Variants in FLNA observed in about 807,000 individuals in gnomAD.
FLNA encodes the protein filamin A, also known as filamin-A.
In FLNA, 7 loss-of-function variants were observed where a neutral mutation model predicts 157.6. The ratio of observed to expected loss-of-function variants is 0.04; its 90% CI spans 0.03 to 0.08. The LOEUF (loss-of-function observed/expected upper bound fraction) is 0.08. FLNA is among the 10% of genes least tolerant of loss of function. The pLI, the probability that FLNA is intolerant of heterozygous loss-of-function variation, is 1.00. For missense variants in FLNA, 1,750 were observed against 2,398.4 expected, an observed-to-expected ratio of 0.73 and a Z score of 5.65; for synonymous variants, 1,103 against 1,060.8, an observed-to-expected ratio of 1.04 and a Z score of -0.77.
chrX:154,362,737 G>T lies in FLNA; in HGVS notation c.2328C>A (p.Gly776=). 8.3e-7 allele frequency: 1 copy of T among 1,206,837 alleles called. No individual in the cohort carries two copies. Residue 776 remains glycine (G), a synonymous_variant, in exon 16 of 48, where the codon GGC becomes GGA. Coordinates refer to ENST00000369850, the MANE Select transcript of FLNA (RefSeq NM_001110556.2). ...TGAGCCCTGTCTTGGCTACTCCGGGGCCGTATACTTTGACCTTGTTGGGGT... is the reference window on the plus strand; with the variant it reads ...TGAGCCCTGTCTTGGCTACTCCGGGTCCGTATACTTTGACCTTGTTGGGGT... ...GSHPNKVKVY[G]PGVAKTGLKA... is the part of the protein sequence containing the mutation.
In FLNA at chrX:154,352,934, G is replaced by A. The variant is rs782748718; in HGVS notation, c.6227-10C>T. On this transcript the variant is annotated splice_polypyrimidine_tract_variant and intron_variant, in intron 38 of 47. Coordinates refer to ENST00000369850, the MANE Select transcript of FLNA (RefSeq NM_001110556.2). Reference sequence around the variant, plus strand: ...CTGAGCCCACCATAGCCTAGGGGATGGATACCCCTGAGCCTCGGTGCTATG... The same window carrying A: ...CTGAGCCCACCATAGCCTAGGGGATAGATACCCCTGAGCCTCGGTGCTATG... The A allele has an allele frequency of 3.5e-5, 42 of 1,210,093 alleles. No homozygotes were observed. Among genetic ancestry groups the A allele is most frequent in the African/African-American group, 1.9e-4 (11 of 57,448 alleles).
intron 1 of FLNA, among the ~76,000 whole-genome samples, chrX:154,372,036 C>G (rs1284932706): frequency 8.8e-6 from 1 of 113,821 alleles, no homozygotes; most frequent in Non-Finnish European, 1.9e-5. Flanking sequence ...CCGTAGGGCC[C>G]TCGCCCGCGC....
chrX:154,353,415 G>A lies in FLNA; in HGVS notation c.5903C>T (p.Ala1968Val). The change falls in exon 37 of 48, where the codon GCT becomes GTT. Residue 1968 changes from alanine to valine, a missense_variant. Coordinates refer to ENST00000369850, the MANE Select transcript of FLNA (RefSeq NM_001110556.2). ...TGAGATGTTGATGGGGATGTCGGCA[G>A]CAGAGCCGACCTTTAGGTGGGACAT... ...MRMSHLKVGS[A>V]ADIPINISET... The A allele has an allele frequency of 2.5e-6, 3 of 1,211,615 alleles. No individual in the cohort carries two copies. The highest frequency in any genetic ancestry group is 3.4e-6 in the Non-Finnish European group (3 of 895,378).
rs781900521 is a variant in FLNA at position 154,364,184 on chromosome X, C to T, written c.2137-19G>A. On this transcript the variant is annotated intron_variant, in intron 14 of 47. Transcript: ENST00000369850. ...CATTGTCCTGTCAGGCAGATAGGAG[C>T]AGGTGGCCTGCTGGTCAGTGCCCAG... is the stretch of plus-strand genomic sequence containing the variant. The T allele has an allele frequency of 4.1e-6, 5 of 1,209,544 alleles. No homozygotes were observed. In the East Asian group the frequency reaches 1.5e-4, roughly 36 times the overall value.
Position 154,366,201 on chromosome X carries a change from C to A in FLNA, c.1252G>T (p.Val418Phe), listed in dbSNP as rs1053199573. ...TAGAGTGEVEVVIQDPMGQKG... is the reference protein window; with the variant it reads ...TAGAGTGEVEFVIQDPMGQKG... ...TGTCCCATGGGGTCCTGGATCACAA[C>A]CTCGACCTCGCCCGTGCCAGCTCCT... Residue 418 changes from valine (V) to phenylalanine (F), a missense_variant, in exon 9 of 48, where the codon GTT becomes TTT. Transcript: ENST00000369850. 8.3e-7 allele frequency: 1 copy of A among 1,210,845 alleles called. No individual in the cohort carries two copies. The highest frequency in any genetic ancestry group is 1.1e-6 in the Non-Finnish European group (1 of 895,509).
chrX:154,362,740 G>A lies in FLNA; in HGVS notation c.2325C>T (p.Tyr775=), dbSNP rs369460267. 39 of 1,203,405 alleles carry A rather than the reference G, an allele frequency of 3.2e-5. No homozygotes were observed. The highest frequency in any genetic ancestry group is 1.6e-4 in the African/African-American group (9 of 57,120). Residue 775 remains tyrosine, a synonymous_variant, in exon 16 of 48, where the codon TAC becomes TAT. Coordinates refer to ENST00000369850, the MANE Select transcript of FLNA (RefSeq NM_001110556.2). Reference sequence around the variant, plus strand: ...GCCCTGTCTTGGCTACTCCGGGGCCGTATACTTTGACCTTGTTGGGGTGGC... The same window carrying A: ...GCCCTGTCTTGGCTACTCCGGGGCCATATACTTTGACCTTGTTGGGGTGGC... ...AGSHPNKVKV[Y]GPGVAKTGLK...
intron 1 of FLNA, among the ~76,000 whole-genome samples, chrX:154,372,848 C>T (rs1374205981): frequency 9.0e-6 from 1 of 111,392 alleles, no homozygotes; most frequent in African/African-American, 3.3e-5. Flanking sequence ...GCACGTCATG[C>T]CCAAATATGG....
At chrX:154,368,771 G>A (rs949823781) in intron 2 of FLNA, among the ~76,000 whole-genome samples, 9 of 113,231 alleles carry the variant, frequency 7.9e-5, no homozygotes, top group Non-Finnish European at 1.7e-4. Flanking sequence ...AGAGCCCAAA[G>A]GAACCAGCAG....
rs782777494 is a variant in FLNA at position 154,351,571 on chromosome X, G to A, written c.7023+10C>T. 92 of 1,167,382 alleles carry A rather than the reference G, an allele frequency of 7.9e-5. No individual in the cohort carries two copies. Among genetic ancestry groups the A allele is most frequent in the Admixed American group, 2.0e-4 (9 of 45,830 alleles). On this transcript the variant is annotated intron_variant, in intron 43 of 47. Transcript: ENST00000369850. ...GAGCCCCAGGTGGGCGGTTTCTCTC[G>A]GTGCCTCACCTGAAGGCTAGAAACA...
intron 33 of FLNA, 26 bp downstream of exon 33, chrX:154,354,355 G>A (rs782401630): frequency 3.2e-5 from 39 of 1,209,753 alleles, no homozygotes; most frequent in Non-Finnish European, 3.9e-5. Flanking sequence ...CTTGGCTCCC[G>A]AGCTCCTTCC....
intron 2 of FLNA, 74 bp from the exon 3 acceptor site, chrX:154,368,164 G>C (rs2067777486): frequency 8.3e-7 from 1 of 1,198,035 alleles, no homozygotes; most frequent in South Asian, 1.8e-5. Context: ...TGGGGTCAGG[G>C]TCTGGCAGCA....
chrX:154,359,698 C>T (rs782472941), intron 23 of FLNA, 34 bp downstream of exon 23: 6 of 1,209,212 alleles, frequency 5.0e-6, no homozygotes, highest in East Asian at 5.9e-5. Flanking sequence ...CCACCCACCC[C>T]GTCTGCCAGC....
chrX:154,363,938 G>A, intron 15 of FLNA, 84 bp downstream of exon 15: 1 of 1,039,144 alleles, frequency 9.6e-7, no homozygotes, highest in Non-Finnish European at 1.3e-6. Flanking sequence ...TCAGGATGGT[G>A]TGCCACAACC....
chrX:154,361,026 G>A (rs1266100634), intron 21 of FLNA, among the ~76,000 whole-genome samples: 2 of 64,782 alleles, frequency 3.1e-5, no homozygotes, highest in East Asian at 5.3e-4. Flanking sequence ...CAGCCTGGGC[G>A]ACAGAGTGAG....
intron 15 of FLNA, among the ~76,000 whole-genome samples, chrX:154,363,695 AGT>A (rs1399160808): frequency 8.9e-6 from 1 of 112,226 alleles, no homozygotes; most frequent in African/African-American, 3.2e-5. Context: ...CCTGGGCGAC[AGT>A]GTGAGACTCC....
intron 1 of FLNA, 40 bp downstream of exon 1, chrX:154,374,466 G>A (rs1161772893): frequency 8.9e-6 from 1 of 112,239 alleles, no homozygotes; most frequent in East Asian, 2.8e-4. Context: ...CGAGGAGCGC[G>A]GCGACCCTAC....
Position 154,359,759 on chromosome X carries a change from T to C in FLNA, c.3952A>G (p.Lys1318Glu). ...TCCTCGTAAGGCGTGTACTCCACTT[T>C]GTACATGCCATCGCCACGGTCCTGA... ...YVQDRGDGMY[K>E]VEYTPYEEGL... Residue 1318 changes from lysine to glutamate, a missense_variant, in exon 23 of 48, where the codon AAA becomes GAA. Physicochemically the swap from Lys to Glu is moderately conservative, Grantham distance 56. Coordinates refer to ENST00000369850, the MANE Select transcript of FLNA (RefSeq NM_001110556.2). 8.3e-7 allele frequency: 1 copy of C among 1,210,916 alleles called. No homozygotes were observed. The highest frequency in any genetic ancestry group is 3.0e-5 in the East Asian group (1 of 33,829).
chrX:154,366,466 G>A lies in FLNA; in HGVS notation c.1070C>T (p.Thr357Ile). Residue 357 changes from threonine (T) to isoleucine (I), a missense_variant, in exon 8 of 48, where the codon ACT becomes ATT. Physicochemically the swap from Thr to Ile is moderately conservative, Grantham distance 89. Coordinates refer to ENST00000369850, the MANE Select transcript of FLNA (RefSeq NM_001110556.2). ...VPEVTGTHKV[T>I]VLFAGQHIAK... is the part of the protein sequence containing the mutation. ...GATGTGCTGGCCAGCAAAGAGCACAGTAACCTGTCCCCAGAAGGGTGGGCC... is the reference window on the plus strand; with the variant it reads ...GATGTGCTGGCCAGCAAAGAGCACAATAACCTGTCCCCAGAAGGGTGGGCC... 8.3e-7 allele frequency: 1 copy of A among 1,211,658 alleles called. No individual in the cohort carries two copies. The highest frequency in any genetic ancestry group is 1.1e-6 in the Non-Finnish European group (1 of 895,334).
Position 154,364,550 on chromosome X carries a change from C to A in FLNA, c.1998G>T (p.Ala666=). Residue 666 remains alanine (A), a synonymous_variant, in exon 13 of 48, where the codon GCG becomes GCT. Transcript: ENST00000369850. ...LSPFMADIRD[A]PQDFHPDRVK... is the part of the protein sequence containing the mutation. The stretch of plus-strand genomic sequence containing the variant: ...CCCTGTCTGGGTGGAAGTCCTGGGG[C>A]GCGTCACGGATGTCAGCCATGAAGG... The A allele has an allele frequency of 8.3e-7, 1 of 1,210,374 alleles. No homozygotes were observed.
Sources: gnomAD v4.1 joint callset for allele counts (sites outside exome capture counted in the v4.1 genomes callset) on GRCh38, gnomAD v4.1.1 for gene constraint, MANE v1.5 for transcripts, NCBI Gene and HGNC (gene_info 2026-07-23, HGNC 2026-07-21) for gene names.